NID1: variants seen among roughly 807,000 people sequenced by gnomAD.
The protein encoded by NID1 is nidogen-1.
A neutral mutation model predicts 130.6 loss-of-function variants in NID1; 76 were observed. The observed-to-expected ratio is 0.58, with a 90% confidence interval of 0.48 to 0.70. The LOEUF is 0.70. NID1 is among the 30% of genes least tolerant of loss of function. The pLI, the probability that NID1 is intolerant of heterozygous loss-of-function variation, is 0.00. For missense variants in NID1, 1,517 were observed against 1,664.8 expected, an observed-to-expected ratio of 0.91 and a Z score of 1.54; for synonymous variants, 665 against 675.1, an observed-to-expected ratio of 0.98 and a Z score of 0.23.
rs375567188 is a variant in NID1, at chr1:236,023,982, C to T, written c.2128+88G>A. On this transcript the variant is annotated intron_variant, in intron 9 of 19. Transcript: ENST00000264187. Reference sequence around the variant, plus strand: ...TATTTATCTCATCCGTGCTTCCTTGCTGCACCCAGTTCTCTGGTTTACAGA... The same window carrying T: ...TATTTATCTCATCCGTGCTTCCTTGTTGCACCCAGTTCTCTGGTTTACAGA... The T allele has an allele frequency of 5.5e-5, 85 of 1,540,182 alleles. No individual in the cohort carries two copies. The African/African-American group carries it at 9.4e-4, about 17-fold the overall frequency.
chr1:236,059,670 TA>T (rs1346109411), intron 1 of NID1, among the ~76,000 whole-genome samples: 1 of 151,918 alleles, frequency 6.6e-6, no homozygotes, highest in Non-Finnish European at 1.5e-5. Flanking sequence ...GATTAGTAAA[TA>T]AAGCTTAGGG....
rs1660153237 is a variant in NID1 at position 236,064,993 on chromosome 1, C to G, written c.87G>C (p.Leu29=). Reference sequence around the variant, plus strand: ...CGAAGGGAAAGAGCTCCTGGCGGCTCAGGCAGCCCACAGGCCCCGCCAGCA... The same window carrying G: ...CGAAGGGAAAGAGCTCCTGGCGGCTGAGGCAGCCCACAGGCCCCGCCAGCA... The part of the protein sequence containing the change: ...PLLLAGPVGC[L]SRQELFPFGP... The change falls in exon 1 of 20, where the codon CTG becomes CTC. Residue 29 remains leucine, a synonymous_variant. Transcript: ENST00000264187. The G allele has an allele frequency of 6.4e-7, 1 of 1,563,130 alleles. No homozygotes were observed.
chr1:236,022,179 A>T (rs1572601317), intron 9 of NID1, among the ~76,000 whole-genome samples: 1 of 152,238 alleles, frequency 6.6e-6, no homozygotes, highest in South Asian at 2.1e-4. Context: ...AGGTGGGAGG[A>T]TCACCTGAGC....
chr1:236,051,189 T>A (rs1364259919), intron 1 of NID1, among the ~76,000 whole-genome samples: 1 of 152,034 alleles, frequency 6.6e-6, no homozygotes, highest in Non-Finnish European at 1.5e-5. Flanking sequence ...AAAACACGAA[T>A]CCAGAATAGC....
At position 236,058,220 on chromosome 1, in the gene NID1, T is replaced by C. The variant is rs543360780; in HGVS notation, c.225+6635A>G. Among the ~76,000 whole-genome samples, 36 of 152,342 alleles carry C rather than the reference T, an allele frequency of 2.4e-4. 1 individual carries two copies. The highest frequency in any genetic ancestry group is 8.4e-4 in the African/African-American group (35 of 41,570). On this transcript the variant is annotated intron_variant, in intron 1 of 19. Coordinates refer to ENST00000264187, the MANE Select transcript of NID1 (RefSeq NM_002508.3). ...TCCAGCATGTTGAGCAATGTAAATA[T>C]TTCCCTGAAATACTGCTTACAACAT...
At chr1:236,062,357 G>A (rs556564297) in intron 1 of NID1, among the ~76,000 whole-genome samples, 16 of 152,258 alleles carry the variant, frequency 1.1e-4, no homozygotes, top group Non-Finnish European at 1.6e-4. Flanking sequence ...TCTAATGGCC[G>A]GGCATGGTGG....
chr1:236,017,666 G>C (rs1003433333), intron 9 of NID1, among the ~76,000 whole-genome samples: 4 of 152,342 alleles, frequency 2.6e-5, no homozygotes, highest in Non-Finnish European at 5.9e-5. Flanking sequence ...TTACAGGCGT[G>C]AGCCACCGCC....
intron 9 of NID1, among the ~76,000 whole-genome samples, chr1:236,020,455 G>A (rs1053034795): frequency 3.9e-5 from 6 of 152,140 alleles, no homozygotes; most frequent in African/African-American, 1.4e-4. Flanking sequence ...TGAGAGATGA[G>A]CCAAAACTAT....
chr1:236,017,233 G>T lies in NID1; in HGVS notation c.2169C>A (p.Ser723Arg). Residue 723 changes from serine to arginine, a missense_variant, in exon 10 of 20, where the codon AGC (serine) becomes AGA (arginine). Coordinates refer to ENST00000264187, the MANE Select transcript of NID1 (RefSeq NM_002508.3). The part of the protein sequence containing the change: ...ECSEQPSVCG[S>R]HTICNNHPGT... ...CTGGGTGATTATTGCAGATTGTGTG[G>T]CTCCCACACACTGAGGGTTGTTCTG... The T allele has an allele frequency of 6.2e-7, 1 of 1,614,104 alleles. No individual in the cohort carries two copies. Among genetic ancestry groups the T allele is most frequent in the Non-Finnish European group, 8.5e-7 (1 of 1,180,018 alleles).
chr1:235,999,571 C>A (rs1266033698), intron 12 of NID1, among the ~76,000 whole-genome samples: 2 of 151,972 alleles, frequency 1.3e-5, no homozygotes, highest in Admixed American at 6.6e-5. Flanking sequence ...GCTAAAGACG[C>A]ATTTCCTGAG....
chr1:236,048,593 G>T (rs1659677016), intron 2 of NID1, 97 bp downstream of exon 2: 1 of 1,328,670 alleles, frequency 7.5e-7, no homozygotes, highest in Non-Finnish European at 1.0e-6. Flanking sequence ...TTTATCAATG[G>T]TGTATAACTT....
intron 5 of NID1, among the ~76,000 whole-genome samples, chr1:236,034,953 C>G (rs1287180856): frequency 6.6e-6 from 1 of 150,946 alleles, no homozygotes; most frequent in Non-Finnish European, 1.5e-5. Flanking sequence ...CAGCCCCTCA[C>G]AGGTTCTCGG....
intron 9 of NID1, among the ~76,000 whole-genome samples, chr1:236,018,575 G>A (rs1658666118): frequency 6.6e-6 from 1 of 152,156 alleles, no homozygotes; most frequent in African/African-American, 2.4e-5. Context: ...CTGGTTATGT[G>A]GCCACTGATG....
intron 16 of NID1, 85 bp downstream of exon 16, chr1:235,981,526 C>T (rs1657436282): frequency 7.0e-7 from 1 of 1,422,816 alleles, no homozygotes; most frequent in South Asian, 1.3e-5. Flanking sequence ...GAGACCAATG[C>T]TGGAGTTAAA....
chr1:235,999,030 C>T (rs1399877441), intron 12 of NID1, among the ~76,000 whole-genome samples: 1 of 152,204 alleles, frequency 6.6e-6, no homozygotes, highest in African/African-American at 2.4e-5. Context: ...TCCACATTGC[C>T]AGTGCTTAGA....
chr1:236,031,657 T>A (rs944110960), intron 6 of NID1, among the ~76,000 whole-genome samples: 2 of 151,844 alleles, frequency 1.3e-5, no homozygotes, highest in Non-Finnish European at 2.9e-5. Context: ...CACAACAAAC[T>A]CCAGGTCCTG....
At chr1:235,982,353 G>A (rs1459329012) in intron 15 of NID1, among the ~76,000 whole-genome samples, 1 of 152,172 alleles carries the variant, frequency 6.6e-6, no homozygotes, top group Non-Finnish European at 1.5e-5. Context: ...GAAGGTAGGA[G>A]GCCATGTTAA....
chr1:236,045,701 A>C lies in NID1; in HGVS notation c.526-18T>G. 2 of 1,581,190 alleles carry C rather than the reference A, an allele frequency of 1.3e-6. No homozygotes were observed. The highest frequency in any genetic ancestry group is 1.7e-6 in the Non-Finnish European group (2 of 1,155,856). ...GTGTTTCTCTGTGAAGATGAGTTAA[A>C]ATTCAGTTACTCGGAAAAATATCGA... On this transcript the variant is annotated intron_variant, in intron 2 of 19. Transcript: ENST00000264187.
rs755023230 is a variant in NID1 at position 236,011,914 on chromosome 1, A to C, written c.2527+7T>G. ...GGCTACCGACTCCAGATGTCCCACC[A>C]CCTTACCTCCGGGCACGCAACGGAA... is the stretch of plus-strand genomic sequence containing the variant. On this transcript the variant is annotated splice_region_variant and intron_variant, in intron 12 of 19. Coordinates refer to ENST00000264187, the MANE Select transcript of NID1 (RefSeq NM_002508.3). The C allele has an allele frequency of 6.2e-7, 1 of 1,613,382 alleles. No individual in the cohort carries two copies. Among genetic ancestry groups the C allele is most frequent in the East Asian group, 2.2e-5 (1 of 44,862 alleles).
Sources: allele counts gnomAD v4.1 joint callset (sites outside exome capture counted in the v4.1 genomes callset), GRCh38; gene constraint gnomAD v4.1.1; transcripts MANE v1.5; gene names NCBI Gene and HGNC (gene_info 2026-07-23, HGNC 2026-07-21).